The following DDX60L variants were observed in gnomAD, a reference collection of about 807,000 sequenced individuals.
DDX60L encodes the protein probable ATP-dependent RNA helicase DDX60-like.
A neutral mutation model predicts 211.6 loss-of-function variants in DDX60L; 191 were observed. That is an observed-to-expected ratio of 0.90 (90% CI 0.80 to 1.02). The LOEUF is 1.02. Among genes scored for constraint, DDX60L ranks in the 50% least tolerant of loss-of-function variants. DDX60L has a pLI of 0.00. For missense variants in DDX60L, 2,007 were observed against 1,984.1 expected, an observed-to-expected ratio of 1.01 and a Z score of -0.22; for synonymous variants, 706 against 694.1, an observed-to-expected ratio of 1.02 and a Z score of -0.27.
chr4:168,384,953 G>A (rs1225853201), intron 29 of DDX60L, 141 bp from the exon 30 acceptor site: 1 of 890,966 alleles, frequency 1.1e-6, no homozygotes. Context: ...TGTTAACATG[G>A]CACTTAAAAA....
intron 1 of DDX60L, among the ~76,000 whole-genome samples, chr4:168,474,191 C>T (rs1406107294): frequency 1.3e-5 from 2 of 152,122 alleles, no homozygotes; most frequent in Non-Finnish European, 2.9e-5. Context: ...AGGATTGCTA[C>T]AGACAGTATC....
At chr4:168,414,725 A>T (rs965404138) in intron 22 of DDX60L, among the ~76,000 whole-genome samples, 1 of 152,118 alleles carries the variant, frequency 6.6e-6, no homozygotes, top group Non-Finnish European at 1.5e-5. Flanking sequence ...ATGGAATTGG[A>T]TGTCACTATG....
chr4:168,459,030 A>T (rs1756954363), intron 5 of DDX60L, among the ~76,000 whole-genome samples: 1 of 152,042 alleles, frequency 6.6e-6, no homozygotes, highest in Non-Finnish European at 1.5e-5. Flanking sequence ...GGTAGTATGG[A>T]CCCCCAATCC....
In DDX60L at chr4:168,405,934, A is replaced by G. The variant is rs775933416; in HGVS notation, c.3213+16T>C. 1.3e-6 allele frequency: 2 copies of G among 1,553,232 alleles called. No individual in the cohort carries two copies. The highest frequency in any genetic ancestry group is 1.2e-5 in the South Asian group (1 of 81,170). On this transcript the variant is annotated intron_variant, in intron 24 of 37. Coordinates refer to ENST00000682922, the MANE Select transcript of DDX60L (RefSeq NM_001012967.3). ...ACAATTAAGTGAAACTTTGTCCAAGAAAGTGTGAAAATTACCTTCTTCACT... is the reference window on the plus strand; with the variant it reads ...ACAATTAAGTGAAACTTTGTCCAAGGAAGTGTGAAAATTACCTTCTTCACT...
intron 8 of DDX60L, among the ~76,000 whole-genome samples, chr4:168,451,385 G>A (rs1457686378): frequency 6.6e-6 from 1 of 152,156 alleles, no homozygotes; most frequent in Non-Finnish European, 1.5e-5. Flanking sequence ...TCTTCAGAAT[G>A]TTCTTCTTTC....
At chr4:168,471,651 A>T in intron 4 of DDX60L, 96 bp downstream of exon 4, 1 of 961,490 alleles carries the variant, frequency 1.0e-6, no homozygotes, top group South Asian at 2.4e-5. Context: ...ATTTTCTATG[A>T]TGACATGCTT....
At chr4:168,413,670 A>C (rs1749052104) in intron 22 of DDX60L, among the ~76,000 whole-genome samples, 1 of 151,968 alleles carries the variant, frequency 6.6e-6, no homozygotes, top group African/African-American at 2.4e-5. Context: ...GCTATTTGAA[A>C]ATATATAGTC....
Position 168,427,292 on chromosome 4 carries a change from T to A in DDX60L, c.1708A>T (p.Ser570Cys). 2 of 1,613,506 alleles carry A rather than the reference T, an allele frequency of 1.2e-6. No homozygotes were observed. Among genetic ancestry groups the A allele is most frequent in the Non-Finnish European group, 1.7e-6 (2 of 1,179,776 alleles). The change falls in exon 14 of 38, where the codon AGT becomes TGT. Residue 570 changes from serine to cysteine, a missense_variant. Transcript: ENST00000682922. ...TCTTTGAGAAATGACTTTTTCTTACTCTTTTTGGTAATTTGGTGGGGTTTG... is the reference window on the plus strand; with the variant it reads ...TCTTTGAGAAATGACTTTTTCTTACACTTTTTGGTAATTTGGTGGGGTTTG... ...NTKPHQITKK[S>C]KKKSFLKEDQ...
In DDX60L at chr4:168,421,858, G is replaced by A; in HGVS notation, c.2296C>T (p.Pro766Ser). Reference sequence around the variant, plus strand: ...GCATAGGTTTTGCCTGAGGACGTTGGGGCAACAATCACTGCTGACTCATTC... The same window carrying A: ...GCATAGGTTTTGCCTGAGGACGTTGAGGCAACAATCACTGCTGACTCATTC... ...DKNESAVIVA[P>S]TSSGKTYASY... Residue 766 changes from proline to serine, a missense_variant, in exon 17 of 38, where the codon CCA (proline) becomes TCA (serine). By Grantham distance (74) the Pro-to-Ser change is moderately conservative. Coordinates refer to ENST00000682922, the MANE Select transcript of DDX60L (RefSeq NM_001012967.3). 1 of 1,614,118 alleles carries A rather than the reference G, an allele frequency of 6.2e-7. No individual in the cohort carries two copies. The highest frequency in any genetic ancestry group is 8.5e-7 in the Non-Finnish European group (1 of 1,180,020).
rs746755467 is a variant in DDX60L, at chr4:168,415,463, T to C, written c.2924A>G (p.His975Arg). ...DLEKHICSVK[H>R]DDVYFDHFHP... ...AAAATGATCAAAATAAACATCATCA[T>C]GTTTTACTGAACATATATGCTTCTC... Residue 975 changes from histidine (H) to arginine (R), a missense_variant, in exon 22 of 38, where the codon CAT (histidine) becomes CGT (arginine). Coordinates refer to ENST00000682922, the MANE Select transcript of DDX60L (RefSeq NM_001012967.3). 3.1e-6 allele frequency: 5 copies of C among 1,607,770 alleles called. No homozygotes were observed. Among genetic ancestry groups the C allele is most frequent in the Non-Finnish European group, 4.3e-6 (5 of 1,176,248 alleles).
At chr4:168,479,488 A>T (rs890565235) in intron 1 of DDX60L, among the ~76,000 whole-genome samples, 1 of 152,124 alleles carries the variant, frequency 6.6e-6, no homozygotes, top group Non-Finnish European at 1.5e-5. Flanking sequence ...CGCTTTTTCT[A>T]GCAGTCATTA....
intron 35 of DDX60L, among the ~76,000 whole-genome samples, chr4:168,373,319 A>G (rs190922816): frequency 6.6e-6 from 1 of 152,262 alleles, no homozygotes; most frequent in East Asian, 1.9e-4. Flanking sequence ...CCAAAGATCC[A>G]TGTGGTCTGG....
At chr4:168,373,267 G>A (rs1292931735) in intron 35 of DDX60L, among the ~76,000 whole-genome samples, 2 of 152,030 alleles carry the variant, frequency 1.3e-5, no homozygotes. Flanking sequence ...GAACCTCCCA[G>A]AGGTTCTAAT....
chr4:168,420,448 C>A lies in DDX60L; in HGVS notation c.2395-68G>T, dbSNP rs575905582. On this transcript the variant is annotated intron_variant, in intron 17 of 37. Coordinates refer to ENST00000682922, the MANE Select transcript of DDX60L (RefSeq NM_001012967.3). The stretch of plus-strand genomic sequence containing the variant: ...GAGACATATAAAACCTTGAGGACAA[C>A]CGAATCCATACACATACACACACAC... 3.2e-6 allele frequency: 4 copies of A among 1,260,130 alleles called. No individual in the cohort carries two copies. The Admixed American group carries it at 1.0e-4, about 33-fold the overall frequency. 78.1% of individuals were successfully genotyped at this position (1,260,130 alleles called of 1,614,324 possible). A position where few individuals can be genotyped will look rare whatever the true frequency, so the allele number is the denominator to read the frequency against.
intron 10 of DDX60L, among the ~76,000 whole-genome samples, chr4:168,438,801 T>TATGACCATG (rs1279638801): frequency 3.3e-5 from 5 of 152,234 alleles, no homozygotes. Flanking sequence ...AAATACCAGC[T>TATGACCATG]ATGACCATGT....
At chr4:168,374,775 A>G (rs914557273) in intron 34 of DDX60L, among the ~76,000 whole-genome samples, 2 of 152,266 alleles carry the variant, frequency 1.3e-5, no homozygotes, top group African/African-American at 2.4e-5. Flanking sequence ...GATGTTGACT[A>G]TGTGCTATGC....
In DDX60L at chr4:168,371,644, G is replaced by T; in HGVS notation, c.4896C>A (p.His1632Gln). The stretch of plus-strand genomic sequence containing the variant: ...TTTGGTCTAATCTTGTCAAGCAGTT[G>T]TGTTTATAGAAATTGAGCACATATG... ...LNAYVLNFYK[H>Q]NCLTRLDQKN... Residue 1632 changes from histidine (H) to glutamine (Q), a missense_variant, in exon 36 of 38, where the codon CAC (histidine) becomes CAA (glutamine). By Grantham distance (24) the His-to-Gln change is conservative (BLOSUM62 0). Coordinates refer to ENST00000682922, the MANE Select transcript of DDX60L (RefSeq NM_001012967.3). 6.3e-7 allele frequency: 1 copy of T among 1,577,348 alleles called. No homozygotes were observed. The highest frequency in any genetic ancestry group is 1.2e-5 in the South Asian group (1 of 86,426).
At position 168,472,745 on chromosome 4, in the gene DDX60L, T is replaced by G; in HGVS notation, c.-46A>C. The G allele has an allele frequency of 6.2e-7, 1 of 1,604,472 alleles. No individual in the cohort carries two copies. The highest frequency in any genetic ancestry group is 1.1e-5 in the South Asian group (1 of 89,164). On this transcript the variant is annotated 5_prime_UTR_variant, in exon 2 of 38. Transcript: ENST00000682922. ...CAGGGTAGAAGAGTAGAGCTGGAAT[T>G]TATTAAATATGGCTGATTTATTTTG...
intron 8 of DDX60L, among the ~76,000 whole-genome samples, chr4:168,449,653 A>AAAAAAAAAAAAAAAAAAAAAAAAAAAAT (rs1448068520): frequency 9.9e-5 from 2 of 20,182 alleles, no homozygotes; most frequent in African/African-American, 2.7e-4. Context: ...AAAAAAATGC[A>AAAAAAAAAAAAAAAAAAAAAAAAAAAAT]AAAAAAAAAA....
Sources: allele counts gnomAD v4.1 joint callset (sites outside exome capture counted in the v4.1 genomes callset), GRCh38; gene constraint gnomAD v4.1.1; transcripts MANE v1.5; gene names NCBI Gene and HGNC (gene_info 2026-07-23, HGNC 2026-07-21).